CFAP54: variants seen among roughly 807,000 people sequenced by gnomAD.
The protein encoded by CFAP54 is cilia- and flagella-associated protein 54.
CFAP54 carries 290 observed loss-of-function variants against 370.4 expected under a neutral mutation model. The observed-to-expected ratio is 0.78, with a 90% CI of 0.71 to 0.86. The LOEUF (loss-of-function observed/expected upper bound fraction) is 0.86, where lower values mean the gene tolerates loss of function less well. Among genes scored for constraint, CFAP54 ranks in the 40% least tolerant of loss-of-function variants. CFAP54 has a pLI of 0.00. For missense variants in CFAP54, 3,399 were observed against 3,528.7 expected, an observed-to-expected ratio of 0.96 and a Z score of 0.93; for synonymous variants, 1,206 against 1,236.5, an observed-to-expected ratio of 0.98 and a Z score of 0.52.
At chr12:96,652,632 C>G (rs1242073704) in intron 36 of CFAP54, among the ~76,000 whole-genome samples, 4 of 152,104 alleles carry the variant, frequency 2.6e-5, no homozygotes, top group East Asian at 1.9e-4. Flanking sequence ...AACATTCACT[C>G]TAACTCAATG....
At chr12:96,855,319 A>G (rs1482485747) in intron 66 of CFAP54, among the ~76,000 whole-genome samples, 3 of 152,108 alleles carry the variant, frequency 2.0e-5, no homozygotes, top group Non-Finnish European at 4.4e-5. Flanking sequence ...TGTCCTCACA[A>G]TTCAAAACAC....
At chr12:96,789,612 A>G (rs1958665256) in intron 62 of CFAP54, among the ~76,000 whole-genome samples, 1 of 152,208 alleles carries the variant, frequency 6.6e-6, no homozygotes. Flanking sequence ...CTGCTTGAGT[A>G]TTTTAGTATT....
chr12:96,565,183 A>G (rs539500070), intron 19 of CFAP54: 1 of 152,346 alleles, frequency 6.6e-6, no homozygotes, highest in Admixed American at 6.6e-5. Context: ...ATCGGGTCTC[A>G]CTCTGGCCTG....
In CFAP54 at chr12:96,538,408, G is replaced by T; in HGVS notation, c.1816G>T (p.Val606Phe). 6.5e-7 allele frequency: 1 copy of T among 1,535,458 alleles called. No individual in the cohort carries two copies. The highest frequency in any genetic ancestry group is 1.2e-5 in the South Asian group (1 of 83,930). The stretch of plus-strand genomic sequence containing the variant: ...GGATGTTCAACCTGATAAAGAAATT[G>T]TTGTGGACACGATAATGTTCCTATG... The part of the protein sequence containing the change: ...PQDVQPDKEI[V>F]VDTIMFLWQK... The change falls in exon 13 of 68, where the codon GTT (valine) becomes TTT (phenylalanine). Residue 606 changes from valine to phenylalanine, a missense_variant. This residue lies in a region of CFAP54 where 2,796 missense variants were observed against 2,869.7 expected (regional missense o/e 0.97). Transcript: ENST00000524981.
intron 57 of CFAP54, 143 bp downstream of exon 57, chr12:96,756,706 G>A (rs1958262236): frequency 1.6e-5 from 10 of 641,716 alleles, no homozygotes; most frequent in Admixed American, 1.3e-4. Flanking sequence ...CAAGCTTGTT[G>A]CTCTTTGTTC....
rs11108643 is a variant in CFAP54, at chr12:96,704,771, T to C, written c.6503T>C (p.Leu2168Pro). Residue 2168 changes from leucine (L) to proline (P), a missense_variant, in exon 47 of 68, where the codon CTT (leucine) becomes CCT (proline). Transcript: ENST00000524981. ...TTTCAATCATTTGACTCAGGAAAAC[T>C]TCTTACCAGTAAAGAAAATATACAG... ...KIFQSFDSGK[L>P]LTSKENIQAI... 822,838 of 1,184,466 alleles carry C rather than the reference T, an allele frequency of 0.69. 292,444 individuals carry two copies. Among genetic ancestry groups the C allele is most frequent in the African/African-American group, 0.93 (58,149 of 62,612 alleles). 73.4% of individuals were successfully genotyped at this position (1,184,466 alleles called of 1,614,324 possible).
intron 65 of CFAP54, among the ~76,000 whole-genome samples, chr12:96,826,742 ATTC>A (rs1396026487): frequency 1.8e-5 from 2 of 112,418 alleles, no homozygotes; most frequent in Admixed American, 2.3e-4. Context: ...ATAATATATA[ATTC>A]TTATATAATA....
intron 26 of CFAP54, among the ~76,000 whole-genome samples, chr12:96,599,355 T>A (rs1011543863): frequency 6.6e-6 from 1 of 152,216 alleles, no homozygotes; most frequent in Non-Finnish European, 1.5e-5. Context: ...TTTTTATGGC[T>A]GCATAGTATT....
rs1956838351 is a variant in CFAP54 at position 96,649,907 on chromosome 12, T to A, written c.4707T>A (p.Ser1569=). Residue 1569 remains serine, a synonymous_variant, in exon 35 of 68, where the codon TCT becomes TCA. Transcript: ENST00000524981. ...GTACTGTAGATGCTGAAGAATTTTC[T>A]ACATTTATTAATTCCATAATGAGTG... The part of the protein sequence containing the change: ...ANLPSDAEEF[S]TFINSIMSDE... 6.3e-7 allele frequency: 1 copy of A among 1,596,100 alleles called. No homozygotes were observed. Among genetic ancestry groups the A allele is most frequent in the Non-Finnish European group, 8.5e-7 (1 of 1,171,848 alleles).
intron 63 of CFAP54, among the ~76,000 whole-genome samples, chr12:96,806,216 T>C (rs1416203136): frequency 1.9e-5 from 1 of 52,558 alleles, no homozygotes; most frequent in Admixed American, 2.6e-4. Context: ...ATATATATAA[T>C]AACAACATAA....
intron 67 of CFAP54, among the ~76,000 whole-genome samples, chr12:96,867,908 C>T (rs759511953): frequency 2.6e-5 from 4 of 151,932 alleles, no homozygotes; most frequent in Non-Finnish European, 5.9e-5. Flanking sequence ...GTTCTCACCA[C>T]AAAAAATAAG....
In CFAP54 at chr12:96,537,145, T is replaced by C. The variant is rs1955515603; in HGVS notation, c.1792-1239T>C. Among the ~76,000 whole-genome samples the C allele has an allele frequency of 2.0e-5, 3 of 152,286 alleles. No homozygotes were observed. In the East Asian group the frequency reaches 5.8e-4, roughly 29 times the overall value. Reference sequence around the variant, plus strand: ...TTTAATCATAAACTCATTATTTTTCTAATTTAGCTATAATGAATAATAATT... The same window carrying C: ...TTTAATCATAAACTCATTATTTTTCCAATTTAGCTATAATGAATAATAATT... On this transcript the variant is annotated intron_variant, in intron 12 of 67. Coordinates refer to ENST00000524981, the MANE Select transcript of CFAP54 (RefSeq NM_001306084.2).
chr12:96,833,506 ACGTGTGTGTG>A (rs1565996547), intron 66 of CFAP54, among the ~76,000 whole-genome samples: 1 of 96,078 alleles, frequency 1.0e-5, no homozygotes. Flanking sequence ...ACACACGCGT[ACGTGTGTGTG>A]TGTGTGTGTG....
Position 96,815,881 on chromosome 12 carries a change from G to A in CFAP54, c.8958-1894G>A, listed in dbSNP as rs750965914. Among the ~76,000 whole-genome samples the A allele has an allele frequency of 3.9e-5, 6 of 152,262 alleles. No individual in the cohort carries two copies. In the Middle Eastern group the frequency reaches 0.01, roughly 259 times the overall value. ...AAGATCAAATGGTTGTAGATGTGTGGTGTTATTTCTGGGTTCTCTGTTCTG... is the reference window on the plus strand; with the variant it reads ...AAGATCAAATGGTTGTAGATGTGTGATGTTATTTCTGGGTTCTCTGTTCTG... On this transcript the variant is annotated intron_variant, in intron 64 of 67. Transcript: ENST00000524981.
intron 39 of CFAP54, among the ~76,000 whole-genome samples, chr12:96,674,339 T>TTC (rs1957179709): frequency 7.2e-6 from 1 of 138,978 alleles, no homozygotes; most frequent in Admixed American, 6.9e-5. Context: ...TGTTTTTCTT[T>TTC]TTTTTTTTTT....
intron 65 of CFAP54, among the ~76,000 whole-genome samples, chr12:96,825,444 T>TTATATTATATATAATATAA (rs1380311645): frequency 8.5e-6 from 1 of 118,118 alleles, no homozygotes; most frequent in South Asian, 2.4e-4. Context: ...ATAATATATG[T>TTATATTATATATAATATAA]TATATTATAT....
At chr12:96,755,648 ATTTTC>A (rs1359830770) in intron 56 of CFAP54, among the ~76,000 whole-genome samples, 53 of 140,460 alleles carry the variant, frequency 3.8e-4, no homozygotes, top group African/African-American at 1.4e-3. Flanking sequence ...TATATATCAC[ATTTTC>A]TTTTCTTTTT....
intron 1 of CFAP54, among the ~76,000 whole-genome samples, chr12:96,498,884 A>G (rs1278933589): frequency 6.6e-6 from 1 of 152,362 alleles, no homozygotes; most frequent in East Asian, 1.9e-4. Context: ...GACATATTTG[A>G]TAAAGGACTG....
At chr12:96,743,260 G>A in intron 52 of CFAP54, 142 bp from the exon 53 acceptor site, 1 of 797,346 alleles carries the variant, frequency 1.3e-6, no homozygotes, top group Non-Finnish European at 1.9e-6. Context: ...CATGTTTCAT[G>A]TAGAGTCTGT....
Sources: allele counts gnomAD v4.1 joint callset (sites outside exome capture counted in the v4.1 genomes callset), GRCh38; gene constraint gnomAD v4.1.1; regional missense constraint gnomAD v4.1.1; transcripts MANE v1.5; gene names NCBI Gene and HGNC (gene_info 2026-07-23, HGNC 2026-07-21).